Variants in NXPH1 observed in about 807,000 individuals in gnomAD.
The protein encoded by NXPH1 is neurexophilin-1.
NXPH1 carries 5 observed loss-of-function variants against 23.7 expected under a neutral mutation model. The ratio of observed to expected loss-of-function variants is 0.21; its 90% CI spans 0.11 to 0.44. The LOEUF (loss-of-function observed/expected upper bound fraction) is 0.44, where lower values mean the gene tolerates loss of function less well. Ranked by LOEUF, NXPH1 falls within the 20% of genes least tolerant of loss-of-function variation. The pLI, the probability that NXPH1 is intolerant of heterozygous loss-of-function variation, is 0.99. For missense variants in NXPH1, 324 were observed against 321.6 expected (o/e 1.01, Z -0.06); for synonymous variants, 144 against 122.2 (o/e 1.18, Z -1.18).
chr7:8,456,872 T>C (rs1816604405), intron 2 of NXPH1, among the ~76,000 whole-genome samples: 1 of 152,188 alleles, frequency 6.6e-6, no homozygotes, highest in Non-Finnish European at 1.5e-5. Context: ...TTTAAGTTTA[T>C]TCCTTGCCAG....
intron 2 of NXPH1, among the ~76,000 whole-genome samples, chr7:8,569,121 A>G (rs533819254): frequency 6.6e-6 from 1 of 152,020 alleles, no homozygotes; most frequent in East Asian, 1.9e-4. Context: ...ATTTGGGATT[A>G]CCAGACATTA....
At chr7:8,637,989 C>A (rs1445520672) in intron 2 of NXPH1, among the ~76,000 whole-genome samples, 1 of 152,104 alleles carries the variant, frequency 6.6e-6, no homozygotes, top group South Asian at 2.1e-4. Context: ...TTAAATAAAA[C>A]AAACTCCTCC....
At chr7:8,712,588 A>T (rs2115198796) in intron 2 of NXPH1, among the ~76,000 whole-genome samples, 1 of 152,116 alleles carries the variant, frequency 6.6e-6, no homozygotes, top group South Asian at 2.1e-4. Flanking sequence ...CTAAGCATTA[A>T]ATGAAAACAT....
intron 2 of NXPH1, among the ~76,000 whole-genome samples, chr7:8,477,046 G>T (rs545471940): frequency 2.0e-5 from 3 of 152,278 alleles, no homozygotes; most frequent in East Asian, 3.9e-4. Context: ...CTTGGGGTTT[G>T]TCTGTATGTT....
intron 2 of NXPH1, among the ~76,000 whole-genome samples, chr7:8,590,481 C>T (rs1191356540): frequency 6.6e-6 from 1 of 151,976 alleles, no homozygotes; most frequent in Non-Finnish European, 1.5e-5. Context: ...AAATTAGAAC[C>T]TTTACAGATG....
At chr7:8,446,196 T>C (rs1224650827) in intron 2 of NXPH1, among the ~76,000 whole-genome samples, 4 of 152,202 alleles carry the variant, frequency 2.6e-5, no homozygotes, top group Non-Finnish European at 5.9e-5. Flanking sequence ...TTGTTTTGAG[T>C]GAGTTTGACA....
intron 2 of NXPH1, among the ~76,000 whole-genome samples, chr7:8,452,485 T>G (rs1323387100): frequency 6.6e-6 from 1 of 152,170 alleles, no homozygotes; most frequent in African/African-American, 2.4e-5. Context: ...TTGACAGCCT[T>G]GATTTTTCAT....
intron 2 of NXPH1, among the ~76,000 whole-genome samples, chr7:8,498,966 G>A (rs979751087): frequency 2.0e-5 from 3 of 152,070 alleles, no homozygotes; most frequent in Non-Finnish European, 4.4e-5. Context: ...TAACATTTGA[G>A]TATAAAGTTT....
At position 8,715,636 on chromosome 7, in the gene NXPH1, T is replaced by G. The variant is rs371518811; in HGVS notation, c.55-35372T>G. Among the ~76,000 whole-genome samples, 17 of 152,252 alleles carry G rather than the reference T, an allele frequency of 1.1e-4. 2 individuals are homozygous for G. The East Asian group carries it at 1.9e-3, about 17-fold the overall frequency. On this transcript the variant is annotated intron_variant, in intron 2 of 2. Coordinates refer to ENST00000405863, the MANE Select transcript of NXPH1 (RefSeq NM_152745.3). ...TGTTTCTTAATTAAAAATAAAATGATTTGGGAAGGTTACACAGAGTCTGAC... is the reference window on the plus strand; with the variant it reads ...TGTTTCTTAATTAAAAATAAAATGAGTTGGGAAGGTTACACAGAGTCTGAC...
At chr7:8,450,766 G>C (rs1374289565) in intron 2 of NXPH1, among the ~76,000 whole-genome samples, 1 of 152,146 alleles carries the variant, frequency 6.6e-6, no homozygotes, top group Non-Finnish European at 1.5e-5. Flanking sequence ...TCTGTAAATG[G>C]TATACATGAA....
At chr7:8,623,013 C>G (rs1293443194) in intron 2 of NXPH1, among the ~76,000 whole-genome samples, 1 of 152,102 alleles carries the variant, frequency 6.6e-6, no homozygotes, top group East Asian at 1.9e-4. Flanking sequence ...TTGGAGAAAT[C>G]AGAAAGAGCA....
intron 2 of NXPH1, among the ~76,000 whole-genome samples, chr7:8,552,124 A>C (rs201660048): frequency 0.35 from 51,496 of 146,314 alleles, 11,000 homozygotes; most frequent in East Asian, 0.51. Context: ...CAAAAAAAAA[A>C]AAAAAAAAAA....
At chr7:8,533,112 T>C (rs530583057) in intron 2 of NXPH1, among the ~76,000 whole-genome samples, 1 of 152,266 alleles carries the variant, frequency 6.6e-6, no homozygotes, top group South Asian at 2.1e-4. Flanking sequence ...AAGTGACCTG[T>C]TTTAGGTCAC....
intron 2 of NXPH1, among the ~76,000 whole-genome samples, chr7:8,743,205 T>G (rs1277243072): frequency 6.6e-6 from 1 of 152,206 alleles, no homozygotes; most frequent in East Asian, 1.9e-4. Flanking sequence ...ACATTTTTGT[T>G]TGTGTTCATA....
rs949931774 is a variant in NXPH1 at position 8,748,767 on chromosome 7, G to A, written c.55-2241G>A. 3.9e-4 allele frequency among the ~76,000 whole-genome samples: 59 copies of A among 152,160 alleles called. 1 individual carries two copies. The highest frequency in any genetic ancestry group is 1.4e-3 in the African/African-American group (59 of 41,438). ...TTGGCTTTTCAGGGTGCTGTCATGG[G>A]ATACAAACGCATGATGAAGTTGCGT... On this transcript the variant is annotated intron_variant, in intron 2 of 2. Transcript: ENST00000405863.
intron 2 of NXPH1, among the ~76,000 whole-genome samples, chr7:8,532,804 C>A (rs1400127658): frequency 6.6e-6 from 1 of 152,080 alleles, no homozygotes; most frequent in African/African-American, 2.4e-5. Flanking sequence ...TATTTTTATA[C>A]CTCCGTTTTC....
At chr7:8,571,012 T>C (rs964707535) in intron 2 of NXPH1, among the ~76,000 whole-genome samples, 1 of 140,370 alleles carries the variant, frequency 7.1e-6, no homozygotes, top group Non-Finnish European at 1.6e-5. Flanking sequence ...TGTCTATCTG[T>C]CTGTCTATCT....
chr7:8,631,992 AG>A (rs1341183997), intron 2 of NXPH1, among the ~76,000 whole-genome samples: 3 of 152,138 alleles, frequency 2.0e-5, no homozygotes, highest in Non-Finnish European at 4.4e-5. Context: ...ATTCATGTGT[AG>A]GTTATAGGGT....
chr7:8,628,591 A>T (rs192787547), intron 2 of NXPH1, among the ~76,000 whole-genome samples: 8 of 140,590 alleles, frequency 5.7e-5, no homozygotes, highest in African/African-American at 9.2e-5. Context: ...TGTATGTATA[A>T]AAAAAAAAGA....
Sources: gnomAD v4.1 joint callset for allele counts (sites outside exome capture counted in the v4.1 genomes callset) on GRCh38, gnomAD v4.1.1 for gene constraint, MANE v1.5 for transcripts, NCBI Gene and HGNC (gene_info 2026-07-23, HGNC 2026-07-21) for gene names.